The following PEAK1 variants were observed in gnomAD, a reference collection of about 807,000 sequenced individuals.
The protein encoded by PEAK1 is inactive tyrosine-protein kinase PEAK1.
In PEAK1, 54 loss-of-function variants were observed where a neutral mutation model predicts 124.7. That is an observed-to-expected ratio of 0.43 (90% CI 0.35 to 0.54). The LOEUF is 0.54. Among genes scored for constraint, PEAK1 ranks in the 20% least tolerant of loss-of-function variants. The pLI, the probability that PEAK1 is intolerant of heterozygous loss-of-function variation, is 0.01. For synonymous variants in PEAK1, 719 were observed against 760.0 expected, an observed-to-expected ratio of 0.95 and a Z score of 0.89; for missense variants, 2,046 against 2,134.5, an observed-to-expected ratio of 0.96 and a Z score of 0.82.
chr15:77,222,843 C>T (rs970443249), intron 6 of PEAK1, among the ~76,000 whole-genome samples: 6 of 151,926 alleles, frequency 3.9e-5, no homozygotes, highest in Non-Finnish European at 7.4e-5. Context: ...CAAAATAAAG[C>T]GCAAACAGAT....
At chr15:77,185,832 G>A (rs2057517992) in intron 6 of PEAK1, among the ~76,000 whole-genome samples, 1 of 152,108 alleles carries the variant, frequency 6.6e-6, no homozygotes, top group Non-Finnish European at 1.5e-5. Flanking sequence ...ACAGGAAAGA[G>A]GAAAGAATCA....
At chr15:77,338,145 CAATT>C in intron 2 of PEAK1, 5 of 971,770 alleles carry the variant, frequency 5.1e-6, no homozygotes, top group Non-Finnish European at 6.1e-6. Context: ...TTAGCATGGA[CAATT>C]AATACAGCAG....
chr15:77,267,979 G>T (rs2061827159), intron 5 of PEAK1, among the ~76,000 whole-genome samples: 1 of 152,100 alleles, frequency 6.6e-6, no homozygotes, highest in Non-Finnish European at 1.5e-5. Flanking sequence ...GATATGAATG[G>T]AAAAATCTCC....
chr15:77,290,755 T>G (rs1271645993), intron 2 of PEAK1, among the ~76,000 whole-genome samples: 1 of 152,178 alleles, frequency 6.6e-6, no homozygotes, highest in Non-Finnish European at 1.5e-5. Flanking sequence ...GGTTTTGCCT[T>G]GTTACCCAGG....
chr15:77,210,080 C>G (rs1013320546), intron 6 of PEAK1, among the ~76,000 whole-genome samples: 3 of 152,142 alleles, frequency 2.0e-5, no homozygotes, highest in African/African-American at 7.2e-5. Flanking sequence ...ACAATAGCAA[C>G]TACCAGTTGT....
chr15:77,304,120 T>C (rs902299278), intron 2 of PEAK1, among the ~76,000 whole-genome samples: 2 of 152,228 alleles, frequency 1.3e-5, no homozygotes, highest in Non-Finnish European at 2.9e-5. Flanking sequence ...GTGTGAGTAC[T>C]ACAACTTTGC....
intron 1 of PEAK1, among the ~76,000 whole-genome samples, chr15:77,399,150 G>A (rs978374598): frequency 4.6e-5 from 7 of 152,098 alleles, no homozygotes; most frequent in African/African-American, 1.7e-4. Flanking sequence ...TTCATGGATT[G>A]GAAGAATCAA....
chr15:77,230,594 A>G (rs2059868721), intron 6 of PEAK1, among the ~76,000 whole-genome samples: 1 of 152,084 alleles, frequency 6.6e-6, no homozygotes, highest in Non-Finnish European at 1.5e-5. Flanking sequence ...AGTGGGATCT[A>G]TTTATCAAAC....
At position 77,109,793 on chromosome 15, in the gene PEAK1, T is replaced by G. The variant is rs2050881511; in HGVS notation, c.*4363A>C. ...AATCCTTGTCAACTAGTGAGGAGAATGAAAAACATGCCAGGGTTGGCCCAG... is the reference window on the plus strand; with the variant it reads ...AATCCTTGTCAACTAGTGAGGAGAAGGAAAAACATGCCAGGGTTGGCCCAG... On this transcript the variant is annotated 3_prime_UTR_variant, in exon 10 of 10. Transcript: ENST00000682557. The G allele has an allele frequency of 6.6e-6, 1 of 152,198 alleles. No homozygotes were observed. The highest frequency in any genetic ancestry group is 2.4e-5 in the African/African-American group (1 of 41,450). 9.4% of individuals were successfully genotyped at this position (152,198 alleles called of 1,614,324 possible). A position where few individuals can be genotyped will look rare whatever the true frequency, so the allele number is the denominator to read the frequency against.
At chr15:77,302,874 T>C (rs2063863644) in intron 2 of PEAK1, among the ~76,000 whole-genome samples, 1 of 152,186 alleles carries the variant, frequency 6.6e-6, no homozygotes, top group South Asian at 2.1e-4. Context: ...CATCACAGTA[T>C]CATACTTATC....
chr15:77,276,185 AAAAAATAT>A (rs2062315106), intron 5 of PEAK1, among the ~76,000 whole-genome samples: 1 of 152,200 alleles, frequency 6.6e-6, no homozygotes, highest in Non-Finnish European at 1.5e-5. Context: ...AAATAATTTG[AAAAAATAT>A]GAACTGAAAA....
Position 77,179,235 on chromosome 15 carries a change from T to C in PEAK1, c.2692A>G (p.Ser898Gly), listed in dbSNP as rs1042416839. The C allele has an allele frequency of 1.2e-6, 2 of 1,614,062 alleles. No homozygotes were observed. Among genetic ancestry groups the C allele is most frequent in the African/African-American group, 1.3e-5 (1 of 74,924 alleles). The change falls in exon 7 of 10, where the codon AGC becomes GGC. Residue 898 changes from serine to glycine, a missense_variant. Ser to Gly is a moderately conservative substitution (Grantham distance 56, BLOSUM62 0). Transcript: ENST00000682557. ...TCAGCTTCTGTTGACCTGGTAGGGC[T>C]GGTTGGCTTGGTCCAGTTGGTGAAA... ...RHFTNWTKPT[S>G]PTRSTEAESV...
At chr15:77,420,554 A>G (rs1387275354), upstream of PEAK1, 1 of 253,546 alleles carries the variant, frequency 3.9e-6, no homozygotes, top group East Asian at 7.0e-5. Context: ...AATACAGAAT[A>G]TGTTTTCGAG....
chr15:77,151,742 T>G (rs995726576), intron 8 of PEAK1, among the ~76,000 whole-genome samples: 41 of 152,202 alleles, frequency 2.7e-4, no homozygotes, highest in African/African-American at 9.9e-4. Context: ...TAGCCAGTTT[T>G]CCCAGCACCA....
chr15:77,212,016 C>T (rs1046192661), intron 6 of PEAK1, among the ~76,000 whole-genome samples: 1 of 151,976 alleles, frequency 6.6e-6, no homozygotes, highest in Non-Finnish European at 1.5e-5. Flanking sequence ...TTTTATAAGA[C>T]TCATACATTA....
chr15:77,156,473 G>A, intron 8 of PEAK1: 1 of 154,202 alleles, frequency 6.5e-6, no homozygotes, highest in Non-Finnish European at 1.4e-5. Context: ...GCCTCGCCCT[G>A]CTTCAGCTCG....
intron 9 of PEAK1, among the ~76,000 whole-genome samples, chr15:77,124,310 A>C (rs997938520): frequency 2.0e-5 from 3 of 152,210 alleles, no homozygotes; most frequent in Non-Finnish European, 4.4e-5. Context: ...GTTTCAACTA[A>C]ATCAAGTCTA....
chr15:77,225,666 T>TTTTATATA (rs1555448932), intron 6 of PEAK1, among the ~76,000 whole-genome samples: 65 of 87,986 alleles, frequency 7.4e-4, no homozygotes, highest in African/African-American at 2.4e-3. Context: ...TGTGTATAAT[T>TTTTATATA]TATATATATA....
intron 2 of PEAK1, chr15:77,332,889 CTTTG>C: frequency 5.2e-6 from 1 of 193,562 alleles, no homozygotes; most frequent in Non-Finnish European, 9.4e-6. Flanking sequence ...TTATCCATTT[CTTTG>C]TTTACTAATG....
Sources: gnomAD v4.1 joint callset for allele counts (sites outside exome capture counted in the v4.1 genomes callset) on GRCh38, gnomAD v4.1.1 for gene constraint, MANE v1.5 for transcripts, NCBI Gene and HGNC (gene_info 2026-07-23, HGNC 2026-07-21) for gene names.